Variants in KCNH2 observed in about 807,000 individuals in gnomAD.
The protein encoded by KCNH2 is voltage-gated inwardly rectifying potassium channel KCNH2.
Under a neutral mutation model 95.9 loss-of-function variants are expected in KCNH2, and 35 were observed. The ratio of observed to expected loss-of-function variants is 0.37; its 90% CI spans 0.28 to 0.48. KCNH2 has a LOEUF of 0.48. KCNH2 is among the 20% of genes least tolerant of loss of function. The pLI is 0.99. For missense variants in KCNH2, 1,274 were observed against 1,702.9 expected (o/e 0.75, Z 4.43); for synonymous variants, 786 against 754.7 (o/e 1.04, Z -0.68).
rs199473426 is a variant in KCNH2, at chr7:150,951,648, C to T, written c.1745G>A (p.Arg582His). The stretch of plus-strand genomic sequence containing the variant: ...GCCCAGGTTGTGCAGCCAGCCGATG[C>T]GTGAGTCCATGTGTGGCTGCTCCAT... ...GNMEQPHMDSRIGWLHNLGDQ... is the reference protein window; with the variant it reads ...GNMEQPHMDSHIGWLHNLGDQ... The change falls in exon 7 of 15, where the codon CGC becomes CAC. Residue 582 changes from arginine to histidine, a missense_variant. Arg to His is a conservative substitution (Grantham distance 29, BLOSUM62 0). Transcript: ENST00000262186. The T allele has an allele frequency of 1.2e-5, 19 of 1,614,238 alleles. No homozygotes were observed. The highest frequency in any genetic ancestry group is 1.4e-5 in the Non-Finnish European group (16 of 1,180,042).
chr7:150,968,982 C>T (rs1278450181), intron 2 of KCNH2, among the ~76,000 whole-genome samples: 1 of 152,184 alleles, frequency 6.6e-6, no homozygotes, highest in African/African-American at 2.4e-5. Context: ...ACCCTCACAC[C>T]CCAAAGTGCA....
In KCNH2 at chr7:150,962,341, T is replaced by C. The variant is rs924453738; in HGVS notation, c.308-2605A>G. Among the ~76,000 whole-genome samples the C allele has an allele frequency of 6.6e-6, 1 of 152,062 alleles. No homozygotes were observed. The highest frequency in any genetic ancestry group is 1.5e-5 in the Non-Finnish European group (1 of 68,022). On this transcript the variant is annotated intron_variant, in intron 2 of 14. Transcript: ENST00000262186. This position sits in a 1 kb window ranked among gnomAD's most constrained non-coding sequence, Gnocchi z 5.7. ...AACCTAAGTCCTCCACCAGGGAGCTTGCCTCAGAGAAGTCTAGAGTCTGGA... is the reference window on the plus strand; with the variant it reads ...AACCTAAGTCCTCCACCAGGGAGCTCGCCTCAGAGAAGTCTAGAGTCTGGA...
chr7:150,963,628 C>T (rs921724875), intron 2 of KCNH2, among the ~76,000 whole-genome samples: 1 of 151,454 alleles, frequency 6.6e-6, no homozygotes, highest in Admixed American at 6.6e-5. Context: ...AGCCCCAGCG[C>T]TGGCTGAAGA....
At chr7:150,965,108 T>C (rs1801668251) in intron 2 of KCNH2, among the ~76,000 whole-genome samples, 2 of 151,856 alleles carry the variant, frequency 1.3e-5, no homozygotes, top group African/African-American at 4.8e-5. Context: ...AGACCAGTCC[T>C]AAGCTCCTGC....
Position 150,952,871 on chromosome 7 carries a change from G to T in KCNH2, c.1129-18C>A. On this transcript the variant is annotated intron_variant, in intron 5 of 14. Transcript: ENST00000262186. This position sits in a 1 kb window ranked among gnomAD's most constrained non-coding sequence, Gnocchi z 7.3. ...GACAGGACCTGCACCCGGGGAAGGCGGAGGTGTGGGTGAGGCAGGCCATGG... is the reference window on the plus strand; with the variant it reads ...GACAGGACCTGCACCCGGGGAAGGCTGAGGTGTGGGTGAGGCAGGCCATGG... 3.7e-6 allele frequency: 6 copies of T among 1,610,686 alleles called. No homozygotes were observed. Among genetic ancestry groups the T allele is most frequent in the Non-Finnish European group, 5.1e-6 (6 of 1,179,752 alleles).
At chr7:150,947,943 A>T (rs1414845576) in intron 11 of KCNH2, 65 bp from the exon 12 acceptor site, 86 of 1,475,952 alleles carry the variant, frequency 5.8e-5, no homozygotes, top group Non-Finnish European at 7.5e-5. Flanking sequence ...GCGAGGGTGG[A>T]GGAGGGGACA....
rs41307331 is a variant in KCNH2, at chr7:150,962,627, C to CAGAGAGAGAGAGAGAGAGAGAGAG, written c.308-2915_308-2892dup. Reference sequence around the variant, plus strand: ...CACACTTACACACACACACGAGAGACAGAGAGAGAGAGAGAGAGAGAGAGA... The same window carrying CAGAGAGAGAGAGAGAGAGAGAGAG: ...CACACTTACACACACACACGAGAGACAGAGAGAGAGAGAGAGAGAGAGAGAGAGAGAGAGAGAGAGAGAGAGAGA... On this transcript the variant is annotated intron_variant, in intron 2 of 14. Transcript: ENST00000262186. This position sits in a 1 kb window ranked among gnomAD's most constrained non-coding sequence, Gnocchi z 5.7. 5.3e-4 allele frequency among the ~76,000 whole-genome samples: 77 copies of CAGAGAGAGAGAGAGAGAGAGAGAG among 146,354 alleles called. No homozygotes were observed. The highest frequency in any genetic ancestry group is 3.4e-3 in the Middle Eastern group (1 of 290).
At chr7:150,972,324 G>T (rs2117054790) in intron 2 of KCNH2, among the ~76,000 whole-genome samples, 1 of 152,354 alleles carries the variant, frequency 6.6e-6, no homozygotes, top group Middle Eastern at 3.4e-3. Flanking sequence ...ACAGAAACAA[G>T]GGGTGGCGCA....
chr7:150,955,450 G>C (rs1402928576), intron 5 of KCNH2: 3 of 1,564,394 alleles, frequency 1.9e-6, no homozygotes, highest in Non-Finnish European at 2.6e-6. Flanking sequence ...GGCCTTTCTG[G>C]GCCCTGGGCC....
chr7:150,965,438 C>T (rs1466841954), intron 2 of KCNH2, among the ~76,000 whole-genome samples: 1 of 152,178 alleles, frequency 6.6e-6, no homozygotes, highest in Non-Finnish European at 1.5e-5. Flanking sequence ...GTCCCACCCG[C>T]TGCCCTCCTG....
chr7:150,966,547 C>T (rs149117260), intron 2 of KCNH2, among the ~76,000 whole-genome samples: 140 of 152,062 alleles, frequency 9.2e-4, no homozygotes, highest in Admixed American at 3.1e-3. Context: ...TTGCAGATGA[C>T]GGGGTCACTT....
intron 4 of KCNH2, 36 bp downstream of exon 4, chr7:150,958,023 T>G: frequency 7.9e-7 from 1 of 1,268,422 alleles, no homozygotes; most frequent in Non-Finnish European, 9.9e-7. Flanking sequence ...AGAAGAAGCG[T>G]GGGCTGGGGC....
At chr7:150,955,508 G>T in intron 5 of KCNH2, 1 of 1,542,334 alleles carries the variant, frequency 6.5e-7, no homozygotes, top group Non-Finnish European at 8.8e-7. Flanking sequence ...CGCCATGGAG[G>T]ACTTGGCTCC....
At chr7:150,960,718 G>A (rs1007350773) in intron 2 of KCNH2, among the ~76,000 whole-genome samples, 11 of 152,074 alleles carry the variant, frequency 7.2e-5, no homozygotes, top group Non-Finnish European at 1.5e-4. Context: ...ACCTCGCCTC[G>A]CGTTCCCCTC....
chr7:150,948,915 A>T lies in KCNH2; in HGVS notation c.2533T>A (p.Tyr845Asn). 6.2e-7 allele frequency: 1 copy of T among 1,614,232 alleles called. No homozygotes were observed. Among genetic ancestry groups the T allele is most frequent in the Non-Finnish European group, 8.5e-7 (1 of 1,180,036 alleles). Reference protein sequence around the residue: ...RDDLLEVLDMYPEFSDHFWSS... With the variant: ...RDDLLEVLDMNPEFSDHFWSS... Reference sequence around the variant, plus strand: ...CAGAAGTGGTCGGAGAACTCAGGGTACATGTCCAGCACCTCCAGCAGGTCG... The same window carrying T: ...CAGAAGTGGTCGGAGAACTCAGGGTTCATGTCCAGCACCTCCAGCAGGTCG... The change falls in exon 10 of 15, where the codon TAC becomes AAC. Residue 845 changes from tyrosine (Y) to asparagine (N), a missense_variant. Tyr to Asn is a moderately radical substitution (Grantham distance 143, BLOSUM62 -2). Around this residue, in one of 7 missense-constraint regions of KCNH2, gnomAD observed 159 missense variants for 282.5 expected, o/e 0.56. Transcript: ENST00000262186.
intron 5 of KCNH2, among the ~76,000 whole-genome samples, chr7:150,956,147 G>T (rs1241406883): frequency 6.6e-6 from 1 of 152,140 alleles, no homozygotes; most frequent in Non-Finnish European, 1.5e-5. Context: ...CAGACCCACC[G>T]CAACTCACGG....
Position 150,946,772 on chromosome 7 carries a change from G to C in KCNH2, c.3330+105C>G. 9.2e-7 allele frequency: 1 copy of C among 1,089,572 alleles called. No homozygotes were observed. The highest frequency in any genetic ancestry group is 2.1e-4 in the Middle Eastern group (1 of 4,746). The allele number at this position is 1,089,572 out of a possible 1,614,324, so 67.5% of individuals were successfully genotyped here. Reference sequence around the variant, plus strand: ...GAGGAGGGCAGGAACAAGGTTCAGGGAGGCTGGGCCACAGAGCCCAGCAGA... The same window carrying C: ...GAGGAGGGCAGGAACAAGGTTCAGGCAGGCTGGGCCACAGAGCCCAGCAGA... On this transcript the variant is annotated intron_variant, in intron 14 of 14. Transcript: ENST00000262186. This position sits in a 1 kb window ranked among gnomAD's most constrained non-coding sequence, Gnocchi z 6.5.
At chr7:150,958,808 G>A (rs963246178) in intron 3 of KCNH2, among the ~76,000 whole-genome samples, 6 of 152,218 alleles carry the variant, frequency 3.9e-5, no homozygotes, top group African/African-American at 1.2e-4. Context: ...ACACAAAGGC[G>A]TCATGTCACT....
intron 2 of KCNH2, among the ~76,000 whole-genome samples, chr7:150,972,261 C>G (rs1261767376): frequency 6.6e-6 from 1 of 152,228 alleles, no homozygotes; most frequent in Non-Finnish European, 1.5e-5. Context: ...CACCTCCTGC[C>G]CAGCTCCCCC....
Sources: gnomAD v4.1 joint callset for allele counts (sites outside exome capture counted in the v4.1 genomes callset) on GRCh38, gnomAD v4.1.1 for gene constraint, gnomAD v4.1.1 regional missense constraint, Gnocchi (gnomAD v3.1) non-coding constraint, MANE v1.5 for transcripts, NCBI Gene and HGNC (gene_info 2026-07-23, HGNC 2026-07-21) for gene names.